DLG2: variants seen among roughly 807,000 people sequenced by gnomAD.
DLG2 encodes discs large MAGUK scaffold protein 2, also known as disks large homolog 2.
DLG2 carries 45 observed loss-of-function variants against 132.5 expected under a neutral mutation model. The observed-to-expected ratio is 0.34, with a 90% confidence interval of 0.27 to 0.44. DLG2 has a LOEUF of 0.44. DLG2 is among the 20% of genes least tolerant of loss of function. DLG2 has a pLI of 1.00. For missense variants in DLG2, 1,045 were observed against 1,196.9 expected, an observed-to-expected ratio of 0.87 and a Z score of 1.87; for synonymous variants, 424 against 419.6, an observed-to-expected ratio of 1.01 and a Z score of -0.13.
intron 15 of DLG2, among the ~76,000 whole-genome samples, chr11:83,911,926 A>C (rs879745138): frequency 6.6e-6 from 1 of 152,048 alleles, no homozygotes; most frequent in Non-Finnish European, 1.5e-5. Context: ...TGAAAGCTGT[A>C]CAGATAACTT....
At chr11:84,454,941 A>C (rs1346892) in intron 7 of DLG2, among the ~76,000 whole-genome samples, 11,182 of 151,246 alleles carry the variant, frequency 0.074, 1,400 homozygotes, top group African/African-American at 0.26. Context: ...ATATATGTCA[A>C]GATCTATCAG....
At chr11:85,468,917 C>T (rs2092895925) in intron 3 of DLG2, among the ~76,000 whole-genome samples, 1 of 152,124 alleles carries the variant, frequency 6.6e-6, no homozygotes, top group African/African-American at 2.4e-5. Flanking sequence ...CTTGGCCTCC[C>T]CAAGTGCTGG....
At chr11:84,410,531 T>A (rs1439811204) in intron 7 of DLG2, among the ~76,000 whole-genome samples, 1 of 151,278 alleles carries the variant, frequency 6.6e-6, no homozygotes, top group African/African-American at 2.4e-5. Context: ...CACCTATCAA[T>A]GACTCTACTA....
At chr11:84,044,139 G>A (rs116789494) in intron 11 of DLG2, among the ~76,000 whole-genome samples, 1 of 151,618 alleles carries the variant, frequency 6.6e-6, no homozygotes, top group Admixed American at 6.6e-5. Flanking sequence ...GTCATCATTT[G>A]TATGATTTTA....
At chr11:84,235,406 C>G (rs913780891) in intron 8 of DLG2, among the ~76,000 whole-genome samples, 6 of 152,124 alleles carry the variant, frequency 3.9e-5, no homozygotes, top group African/African-American at 1.4e-4. Flanking sequence ...ATGACACTAA[C>G]TGCATTTTAA....
intron 6 of DLG2, among the ~76,000 whole-genome samples, chr11:84,840,326 A>T (rs1480785305): frequency 6.6e-6 from 1 of 152,198 alleles, no homozygotes; most frequent in African/African-American, 2.4e-5. Context: ...CAATCATTAA[A>T]AAGTCAGGAA....
chr11:84,963,262 C>A (rs1475817802), intron 6 of DLG2, among the ~76,000 whole-genome samples: 1 of 152,204 alleles, frequency 6.6e-6, no homozygotes, highest in Non-Finnish European at 1.5e-5. Flanking sequence ...AAACTTCTAA[C>A]TCCCACATTA....
At chr11:84,346,875 T>A (rs767420354) in intron 7 of DLG2, among the ~76,000 whole-genome samples, 3 of 152,168 alleles carry the variant, frequency 2.0e-5, no homozygotes, top group Non-Finnish European at 4.4e-5. Flanking sequence ...CTATTGAAAA[T>A]TTGGGTTTCA....
chr11:84,811,724 TA>T (rs2076579634), intron 6 of DLG2, among the ~76,000 whole-genome samples: 1 of 152,162 alleles, frequency 6.6e-6, no homozygotes, highest in African/African-American at 2.4e-5. Flanking sequence ...TTTATTTATT[TA>T]AAAAATATGT....
intron 6 of DLG2, among the ~76,000 whole-genome samples, chr11:84,933,255 T>C (rs1371980871): frequency 6.6e-6 from 1 of 152,224 alleles, no homozygotes. Context: ...TACCATCCTC[T>C]TTCAGTTACT....
intron 7 of DLG2, among the ~76,000 whole-genome samples, chr11:84,518,776 A>C (rs1460567173): frequency 6.6e-6 from 1 of 152,174 alleles, no homozygotes; most frequent in Non-Finnish European, 1.5e-5. Flanking sequence ...AAAGATAACA[A>C]GCTAAGGCGT....
intron 17 of DLG2, among the ~76,000 whole-genome samples, chr11:83,787,311 T>TG: frequency 8.5e-6 from 1 of 118,108 alleles, no homozygotes; most frequent in Admixed American, 8.4e-5. Flanking sequence ...CCTTAAGCCT[T>TG]GTTTTTTTTT....
intron 11 of DLG2, among the ~76,000 whole-genome samples, chr11:84,053,854 C>T (rs2096450004): frequency 6.6e-6 from 1 of 151,890 alleles, no homozygotes; most frequent in African/African-American, 2.4e-5. Context: ...TTTTCCTGTA[C>T]AAAACATAAA....
At chr11:83,469,113 A>C in intron 25 of DLG2, 88 bp downstream of exon 25, 4 of 979,934 alleles carry the variant, frequency 4.1e-6, no homozygotes, top group South Asian at 1.9e-5. Context: ...TGCAATCAAG[A>C]AAGAGTAATG....
At chr11:85,523,186 G>T (rs1310967010) in intron 3 of DLG2, among the ~76,000 whole-genome samples, 1 of 152,174 alleles carries the variant, frequency 6.6e-6, no homozygotes, top group Non-Finnish European at 1.5e-5. Context: ...TGATGGTTTT[G>T]TGAGGGGCTT....
intron 11 of DLG2, among the ~76,000 whole-genome samples, chr11:84,036,020 A>C (rs1444673938): frequency 6.6e-6 from 1 of 152,136 alleles, no homozygotes; most frequent in East Asian, 1.9e-4. Context: ...TTAATCTTAA[A>C]ATGTCTATTA....
chr11:84,522,923 T>A (rs2099308926), intron 7 of DLG2, among the ~76,000 whole-genome samples: 3 of 152,224 alleles, frequency 2.0e-5, no homozygotes, highest in Admixed American at 2.0e-4. Context: ...TATGCTTTAG[T>A]AAATTCTTGT....
intron 4 of DLG2, among the ~76,000 whole-genome samples, chr11:85,168,588 T>C (rs1221428212): frequency 2.0e-5 from 3 of 152,030 alleles, no homozygotes; most frequent in Non-Finnish European, 4.4e-5. Context: ...AGGTGAGAAA[T>C]GATAGGGAAG....
chr11:83,872,502 A>G (rs934910791), intron 16 of DLG2, among the ~76,000 whole-genome samples: 2 of 152,180 alleles, frequency 1.3e-5, no homozygotes, highest in African/African-American at 2.4e-5. Context: ...TGAAGTTTAT[A>G]CAGTTTGCTA....
Sources: gnomAD v4.1 joint callset for allele counts (sites outside exome capture counted in the v4.1 genomes callset) on GRCh38, gnomAD v4.1.1 for gene constraint, MANE v1.5 for transcripts, NCBI Gene and HGNC (gene_info 2026-07-23, HGNC 2026-07-21) for gene names.